Variants in DPH6 observed in about 807,000 individuals in gnomAD.
DPH6 encodes the protein diphthamine biosynthesis 6, also known as diphthine--ammonia ligase.
DPH6 carries 33 observed loss-of-function variants against 38.2 expected under a neutral mutation model. The observed-to-expected ratio is 0.86, with a 90% confidence interval of 0.65 to 1.15. DPH6 has a LOEUF of 1.15. DPH6 is among the 50% of genes most tolerant of loss of function. The pLI is 0.00. For missense variants in DPH6, 325 were observed against 320.0 expected (o/e 1.02, Z -0.12); for synonymous variants, 108 against 103.0 (o/e 1.05, Z -0.30).
chr15:35,378,648 A>G (rs1013224487), intron 7 of DPH6, among the ~76,000 whole-genome samples: 1 of 152,194 alleles, frequency 6.6e-6, no homozygotes, highest in African/African-American at 2.4e-5. Context: ...ATGCAGCCAG[A>G]AAAAAGGATG....
chr15:35,154,885 G>A, the DPH6 span, among the ~76,000 whole-genome samples: 4 of 152,130 alleles, frequency 2.6e-5, no homozygotes, highest in Non-Finnish European at 5.9e-5. Context: ...ACACTCCTAA[G>A]TTTGATTGAG....
At chr15:35,489,748 A>G (rs1278131119) in intron 3 of DPH6, 25 of 981,490 alleles carry the variant, frequency 2.5e-5, no homozygotes, top group Non-Finnish European at 2.9e-5. Flanking sequence ...GTATACAGAA[A>G]CTATAAAGTA....
intron 8 of DPH6, 186 bp from the exon 9 acceptor site, chr15:35,372,389 G>GTGAA (rs995059262): frequency 7.2e-6 from 3 of 416,888 alleles, no homozygotes; most frequent in Non-Finnish European, 1.2e-5. Context: ...AAACAACGAG[G>GTGAA]TGAACAGTGA....
At chr15:35,446,603 T>C (rs889057793) in intron 5 of DPH6, among the ~76,000 whole-genome samples, 20 of 152,320 alleles carry the variant, frequency 1.3e-4, no homozygotes, top group Non-Finnish European at 2.2e-4. Flanking sequence ...ACATACAACA[T>C]GCAAAATGTG....
intron 3 of DPH6, chr15:35,520,230 C>CAAAAAAAAAAAA (rs879230191): frequency 2.5e-5 from 9 of 356,806 alleles, no homozygotes; most frequent in African/African-American, 3.8e-5. Flanking sequence ...CAAAAAAAAA[C>CAAAAAAAAAAAA]AAAAAAAAAA....
At chr15:35,338,739 T>C (rs1156420191) in intron 3 of DPH6, among the ~76,000 whole-genome samples, 1 of 152,194 alleles carries the variant, frequency 6.6e-6, no homozygotes, top group East Asian at 1.9e-4. Context: ...ACACGTATGT[T>C]TATTGCGGCA....
At chr15:35,224,477 G>A (rs1372301546) in intron 3 of DPH6, among the ~76,000 whole-genome samples, 1 of 152,176 alleles carries the variant, frequency 6.6e-6, no homozygotes, top group Non-Finnish European at 1.5e-5. Context: ...ATCTAATGAA[G>A]GACATCTTGG....
the DPH6 span, among the ~76,000 whole-genome samples, chr15:35,179,204 CAAAAAAAAAAAAA>C: frequency 4.0e-5 from 2 of 50,592 alleles, no homozygotes; most frequent in Admixed American, 1.8e-4. Context: ...ACAACTCTGT[CAAAAAAAAAAAAA>C]AAAAAAAAAA....
intron 6 of DPH6, among the ~76,000 whole-genome samples, chr15:35,407,007 AG>A (rs1221119203): frequency 6.6e-6 from 1 of 152,002 alleles, no homozygotes; most frequent in East Asian, 1.9e-4. Flanking sequence ...AGGAAAGCTA[AG>A]GAAGTACTCA....
At chr15:35,236,334 CAT>C (rs943585074) in intron 3 of DPH6, among the ~76,000 whole-genome samples, 5 of 152,256 alleles carry the variant, frequency 3.3e-5, no homozygotes, top group African/African-American at 9.6e-5. Flanking sequence ...ATTGTAATCA[CAT>C]GTTAGAAAAC....
At chr15:35,390,401 TG>T (rs2053037211) in intron 6 of DPH6, among the ~76,000 whole-genome samples, 1 of 152,238 alleles carries the variant, frequency 6.6e-6, no homozygotes, top group African/African-American at 2.4e-5. Flanking sequence ...CTTGCTAGAT[TG>T]GGGAAGTTCT....
intron 3 of DPH6, among the ~76,000 whole-genome samples, chr15:35,504,279 T>C (rs1004919034): frequency 2.6e-5 from 4 of 152,000 alleles, no homozygotes; most frequent in Admixed American, 1.3e-4. Context: ...CCACTACTTA[T>C]ATATATCATC....
At chr15:35,228,876 T>G (rs1265573827) in intron 3 of DPH6, among the ~76,000 whole-genome samples, 1 of 152,174 alleles carries the variant, frequency 6.6e-6, no homozygotes. Context: ...GTCATGCCAC[T>G]CTCTCCTGGC....
chr15:35,465,768 T>C (rs2054118688), intron 3 of DPH6, among the ~76,000 whole-genome samples: 1 of 152,218 alleles, frequency 6.6e-6, no homozygotes, highest in African/African-American at 2.4e-5. Context: ...GTCACTAATT[T>C]GTAGTATTAT....
At chr15:35,236,707 T>C (rs1051135831) in intron 3 of DPH6, among the ~76,000 whole-genome samples, 7 of 152,148 alleles carry the variant, frequency 4.6e-5, no homozygotes, top group Non-Finnish European at 8.8e-5. Context: ...ACTATTTATA[T>C]GTATCCTAAT....
At chr15:35,236,507 C>T (rs1039350371) in intron 3 of DPH6, among the ~76,000 whole-genome samples, 4 of 152,058 alleles carry the variant, frequency 2.6e-5, no homozygotes, top group East Asian at 1.9e-4. Flanking sequence ...GGCGTGTTGG[C>T]GGGCGCCTGT....
rs139743155 is a variant in DPH6 at position 35,419,356 on chromosome 15, C to G, written c.506-8460G>C. ...TGAAAGTGACTATCTCAGGAAGGAC[C>G]TTATTTCAAGTTTTCAGATTTTCCA... is the stretch of plus-strand genomic sequence containing the variant. On this transcript the variant is annotated intron_variant, in intron 5 of 8. Coordinates refer to ENST00000256538, the MANE Select transcript of DPH6 (RefSeq NM_080650.4). Among the ~76,000 whole-genome samples, 80 of 151,994 alleles carry G rather than the reference C, an allele frequency of 5.3e-4. No homozygotes were observed. In the East Asian group the frequency reaches 0.015, roughly 28 times the overall value.
intron 3 of DPH6, among the ~76,000 whole-genome samples, chr15:35,312,010 G>GAAAAAAAAAAAAAAAAAAAA (rs10573455): frequency 9.8e-6 from 1 of 102,142 alleles, no homozygotes; most frequent in Non-Finnish European, 1.9e-5. Context: ...TTAAGAAAAT[G>GAAAAAAAAAAAAAAAAAAAA]AAAAAAAAAA....
chr15:35,191,796 T>A, the DPH6 span, among the ~76,000 whole-genome samples: 1 of 152,268 alleles, frequency 6.6e-6, no homozygotes, highest in Admixed American at 6.5e-5. Flanking sequence ...TCAGACAATC[T>A]CAGTAATGAG....
Sources: gnomAD v4.1 joint callset for allele counts (sites outside exome capture counted in the v4.1 genomes callset) on GRCh38, gnomAD v4.1.1 for gene constraint, MANE v1.5 for transcripts, NCBI Gene and HGNC (gene_info 2026-07-23, HGNC 2026-07-21) for gene names.